PLCB1: variants seen among roughly 807,000 people sequenced by gnomAD.
PLCB1 encodes the protein phospholipase C beta 1, also known as 1-phosphatidylinositol 4,5-bisphosphate phosphodiesterase beta-1.
A neutral mutation model predicts 161.8 loss-of-function variants in PLCB1; 46 were observed. The ratio of observed to expected loss-of-function variants is 0.28; its 90% CI spans 0.22 to 0.36. PLCB1 has a LOEUF of 0.36. Ranked by LOEUF, PLCB1 falls within the 10% of genes least tolerant of loss-of-function variation. The probability of loss-of-function intolerance (pLI) is 1.00; values close to 1 mark genes in which losing one functional copy is unlikely to be tolerated. For synonymous variants in PLCB1, 517 were observed against 503.7 expected, an observed-to-expected ratio of 1.03 and a Z score of -0.35; for missense variants, 1,016 against 1,472.5, an observed-to-expected ratio of 0.69 and a Z score of 5.07.
At chr20:8,161,587 C>T (rs2051624230) in intron 2 of PLCB1, among the ~76,000 whole-genome samples, 2 of 152,014 alleles carry the variant, frequency 1.3e-5, no homozygotes, top group South Asian at 4.2e-4. Context: ...GATTTTTTTC[C>T]TTGGATTTGT....
At chr20:8,554,391 G>A (rs962623572) in intron 3 of PLCB1, among the ~76,000 whole-genome samples, 5 of 151,900 alleles carry the variant, frequency 3.3e-5, no homozygotes, top group South Asian at 2.1e-4. Context: ...AACACATTGC[G>A]GTATAATCAC....
chr20:8,172,456 A>G (rs1037421849), intron 2 of PLCB1, among the ~76,000 whole-genome samples: 5 of 152,216 alleles, frequency 3.3e-5, no homozygotes, highest in Non-Finnish European at 5.9e-5. Context: ...CAAGAGGCCA[A>G]TTGGCTGGAG....
intron 2 of PLCB1, among the ~76,000 whole-genome samples, chr20:8,349,868 A>G (rs1232782): frequency 0.2 from 30,338 of 152,018 alleles, 3,314 homozygotes; most frequent in East Asian, 0.38. Context: ...GAAGAGGAAG[A>G]GAATCAATAT....
intron 9 of PLCB1, among the ~76,000 whole-genome samples, chr20:8,669,443 T>C (rs371876887): frequency 3.9e-5 from 6 of 152,346 alleles, no homozygotes; most frequent in South Asian, 2.1e-4. Flanking sequence ...TGACTTGTTA[T>C]ACTGTTTGGG....
intron 1 of PLCB1, among the ~76,000 whole-genome samples, chr20:8,137,539 C>G (rs73078247): frequency 0.039 from 5,961 of 152,312 alleles, 158 homozygotes; most frequent in Non-Finnish European, 0.058. Context: ...TCAATAATTA[C>G]TGTAATCTAA....
At chr20:8,350,730 GA>G (rs1986154539) in intron 2 of PLCB1, among the ~76,000 whole-genome samples, 1 of 152,052 alleles carries the variant, frequency 6.6e-6, no homozygotes, top group African/African-American at 2.4e-5. Context: ...TGTGGAACTT[GA>G]AATTTTAAAA....
At position 8,881,801 on chromosome 20, in the gene PLCB1, G is replaced by A; in HGVS notation, c.3603G>A (p.Glu1201=). The part of the protein sequence containing the change: ...GKVNHKTPSS[E]ELGGDIPGKE... ...TGAACCACAAGACTCCCTCCAGTGAGGAGCTGGGAGGAGACATCCCAGGAA... is the reference window on the plus strand; with the variant it reads ...TGAACCACAAGACTCCCTCCAGTGAAGAGCTGGGAGGAGACATCCCAGGAA... The change falls in exon 32 of 32, where the codon GAG becomes GAA. Residue 1201 remains glutamate, a synonymous_variant. Transcript: ENST00000338037. The A allele has an allele frequency of 8.7e-6, 14 of 1,614,112 alleles. No homozygotes were observed. The highest frequency in any genetic ancestry group is 1.2e-5 in the Non-Finnish European group (14 of 1,179,964).
intron 2 of PLCB1, among the ~76,000 whole-genome samples, chr20:8,345,869 C>A (rs1039308280): frequency 2.6e-5 from 4 of 152,188 alleles, no homozygotes; most frequent in African/African-American, 9.7e-5. Flanking sequence ...ACTCTTTCCT[C>A]TTGACCCAAT....
intron 2 of PLCB1, among the ~76,000 whole-genome samples, chr20:8,255,903 A>G (rs1237955305): frequency 2.0e-5 from 3 of 152,110 alleles, no homozygotes; most frequent in East Asian, 1.9e-4. Context: ...TAAGATTATA[A>G]TATCAAATTT....
At chr20:8,688,692 C>T (rs771987164) in intron 10 of PLCB1, among the ~76,000 whole-genome samples, 16 of 152,012 alleles carry the variant, frequency 1.1e-4, no homozygotes, top group Non-Finnish European at 2.4e-4. Flanking sequence ...CTATTCTGTC[C>T]CATTGTTCTG....
chr20:8,420,934 T>C (rs1483303914), intron 3 of PLCB1, among the ~76,000 whole-genome samples: 1 of 152,142 alleles, frequency 6.6e-6, no homozygotes, highest in Non-Finnish European at 1.5e-5. Flanking sequence ...TGTTTTTGTT[T>C]TAAATACCCT....
At chr20:8,634,593 T>G (rs553530167) in intron 4 of PLCB1, among the ~76,000 whole-genome samples, 1 of 152,298 alleles carries the variant, frequency 6.6e-6, no homozygotes, top group South Asian at 2.1e-4. Flanking sequence ...TTCCTGAAAT[T>G]CTCTCACACT....
chr20:8,747,056 A>G (rs576714343), intron 23 of PLCB1, among the ~76,000 whole-genome samples: 8 of 152,342 alleles, frequency 5.3e-5, no homozygotes, highest in African/African-American at 1.9e-4. Flanking sequence ...ACCTTTAGCA[A>G]GGATGGGCCC....
chr20:8,375,503 A>G (rs1264972769), intron 3 of PLCB1, among the ~76,000 whole-genome samples: 1 of 152,140 alleles, frequency 6.6e-6, no homozygotes, highest in Non-Finnish European at 1.5e-5. Flanking sequence ...GTTTTTTGAA[A>G]CTTTTTTCAT....
intron 13 of PLCB1, 44 bp from the exon 14 acceptor site, chr20:8,717,627 G>A (rs1156445969): frequency 6.7e-7 from 1 of 1,492,770 alleles, no homozygotes; most frequent in East Asian, 2.3e-5. Context: ...GGATCTGAAA[G>A]AGGGAGCAGT....
At chr20:8,204,049 G>C (rs1978390005) in intron 2 of PLCB1, among the ~76,000 whole-genome samples, 1 of 152,114 alleles carries the variant, frequency 6.6e-6, no homozygotes, top group African/African-American at 2.4e-5. Flanking sequence ...ACTTCTGGGA[G>C]ACAAAATACC....
chr20:8,513,134 G>A (rs1008489786), intron 3 of PLCB1, among the ~76,000 whole-genome samples: 7 of 152,044 alleles, frequency 4.6e-5, no homozygotes, highest in Admixed American at 6.6e-5. Flanking sequence ...CATAAATCTA[G>A]ACACAAACAA....
In PLCB1 at chr20:8,717,668, T is replaced by C; in HGVS notation, c.1336-3T>C. On this transcript the variant is annotated splice_polypyrimidine_tract_variant and splice_region_variant and intron_variant, in intron 13 of 31. Transcript: ENST00000338037. ...TAAAGAATATGCCTTTCATTTCTAT[T>C]AGCTGGAATCTGGAGTTCCTCTTCC... is the stretch of plus-strand genomic sequence containing the variant. 6.2e-7 allele frequency: 1 copy of C among 1,601,080 alleles called. No homozygotes were observed. The highest frequency in any genetic ancestry group is 8.5e-7 in the Non-Finnish European group (1 of 1,174,838).
At chr20:8,205,484 A>G (rs1978476514) in intron 2 of PLCB1, among the ~76,000 whole-genome samples, 1 of 152,176 alleles carries the variant, frequency 6.6e-6, no homozygotes, top group South Asian at 2.1e-4. Flanking sequence ...AGGACAATCA[A>G]TCTGGTTTAG....
Sources: gnomAD v4.1 joint callset for allele counts (sites outside exome capture counted in the v4.1 genomes callset) on GRCh38, gnomAD v4.1.1 for gene constraint, MANE v1.5 for transcripts, NCBI Gene and HGNC (gene_info 2026-07-23, HGNC 2026-07-21) for gene names.